The following GTPBP1 variants were observed in gnomAD, a reference collection of about 807,000 sequenced individuals.
GTPBP1 encodes GTP binding protein 1, also known as GTP-binding protein 1.
In GTPBP1, 23 loss-of-function variants were observed where a neutral mutation model predicts 62.0. The observed-to-expected ratio is 0.37, with a 90% CI of 0.27 to 0.53. GTPBP1 has a LOEUF of 0.53. Ranked by LOEUF, GTPBP1 falls within the 20% of genes least tolerant of loss-of-function variation. GTPBP1 has a pLI of 0.89. For synonymous variants in GTPBP1, 344 were observed against 364.4 expected (o/e 0.94, Z 0.64); for missense variants, 640 against 917.3 (o/e 0.70, Z 3.90).
rs1029877749 is a variant in GTPBP1 at position 38,722,837 on chromosome 22, A to G, written c.958+972A>G. 1.6e-5 allele frequency: 25 copies of G among 1,557,170 alleles called. No homozygotes were observed. In the Admixed American group the frequency reaches 3.0e-4, roughly 19 times the overall value. On this transcript the variant is annotated intron_variant, in intron 5 of 11. Transcript: ENST00000216044. Reference sequence around the variant, plus strand: ...TCCAGTTTGCTGGGCAGACTTCTCCATGGGTTTCTACATACTGGAACGCCT... The same window carrying G: ...TCCAGTTTGCTGGGCAGACTTCTCCGTGGGTTTCTACATACTGGAACGCCT...
chr22:38,730,421 G>C lies in GTPBP1; in HGVS notation c.1918-191G>C, dbSNP rs926604298. Reference sequence around the variant, plus strand: ...TGTAAGGAAGGCAGGGCAGGCACTGGCTCCATTTTAGAGACAGAGGGGAGG... The same window carrying C: ...TGTAAGGAAGGCAGGGCAGGCACTGCCTCCATTTTAGAGACAGAGGGGAGG... On this transcript the variant is annotated intron_variant, in intron 11 of 11. Coordinates refer to ENST00000216044, the MANE Select transcript of GTPBP1 (RefSeq NM_004286.5). The surrounding 1 kb of genome is among the most constrained non-coding windows in gnomAD (Gnocchi z 5.6). 6.6e-6 allele frequency among the ~76,000 whole-genome samples: 1 copy of C among 152,176 alleles called. No homozygotes were observed. The highest frequency in any genetic ancestry group is 2.4e-5 in the African/African-American group (1 of 41,444).
intron 6 of GTPBP1, chr22:38,725,299 G>C (rs1297027171): frequency 1.3e-5 from 2 of 152,364 alleles, no homozygotes; most frequent in African/African-American, 4.8e-5. Flanking sequence ...GAGCAATAGA[G>C]GCCATTTACA....
intron 1 of GTPBP1, 64 bp from the exon 2 acceptor site, chr22:38,708,781 A>AT (rs1277092307): frequency 2.2e-6 from 2 of 908,670 alleles, no homozygotes; most frequent in East Asian, 4.8e-5. Context: ...GGCTATATTG[A>AT]TCAGCTTTGG....
intron 2 of GTPBP1, among the ~76,000 whole-genome samples, chr22:38,715,119 C>T (rs1371889180): frequency 6.6e-6 from 1 of 152,156 alleles, no homozygotes; most frequent in East Asian, 1.9e-4. Context: ...AGAATTACTT[C>T]CTAACTGGAC....
chr22:38,742,742 G>T (rs1195480630), downstream of GTPBP1: 22 of 677,278 alleles, frequency 3.2e-5, no homozygotes, highest in South Asian at 4.4e-4. Flanking sequence ...GGGTGTGCTG[G>T]GAGCCAGGGA....
At chr22:38,740,357 C>T, downstream of GTPBP1, 1 of 1,582,290 alleles carries the variant, frequency 6.3e-7, no homozygotes, top group Non-Finnish European at 8.6e-7. The surrounding 1 kb of genome is among the most constrained non-coding windows in gnomAD (Gnocchi z 4.8). Flanking sequence ...CCAGCTCCTG[C>T]TGCAGGCCGG....
intron 6 of GTPBP1, among the ~76,000 whole-genome samples, chr22:38,724,797 C>T (rs2092718704): frequency 6.6e-6 from 1 of 152,214 alleles, no homozygotes; most frequent in Non-Finnish European, 1.5e-5. Flanking sequence ...ATGGTAAATA[C>T]ACAGCCATTT....
At chr22:38,719,170 T>G (rs1269547720) in intron 4 of GTPBP1, among the ~76,000 whole-genome samples, 1 of 152,080 alleles carries the variant, frequency 6.6e-6, no homozygotes, top group African/African-American at 2.4e-5. Context: ...CACACCCAGC[T>G]AATTTTTAGT....
chr22:38,726,011 G>T lies in GTPBP1; in HGVS notation c.1079G>T (p.Cys360Phe), dbSNP rs1479076511. ...TASNFSSERM[C>F]PIFQISNVTG... is the part of the protein sequence containing the mutation. ...CCTCTTCTCCCTCTGCTTAGGATGT[G>T]CCCGATATTCCAGATCTCCAACGTT... is the stretch of plus-strand genomic sequence containing the variant. The change falls in exon 7 of 12, where the codon TGC becomes TTC. Residue 360 changes from cysteine (C) to phenylalanine (F), a missense_variant. Around this residue, in one of 4 missense-constraint regions of GTPBP1, gnomAD observed 220 missense variants for 358.1 expected, o/e 0.61. Coordinates refer to ENST00000216044, the MANE Select transcript of GTPBP1 (RefSeq NM_004286.5). The surrounding 1 kb of genome is among the most constrained non-coding windows in gnomAD (Gnocchi z 4.1). 1 of 1,613,902 alleles carries T rather than the reference G, an allele frequency of 6.2e-7. No individual in the cohort carries two copies. The highest frequency in any genetic ancestry group is 1.3e-5 in the African/African-American group (1 of 74,872).
At chr22:38,721,645 C>T (rs2092701352) in intron 4 of GTPBP1, 97 bp from the exon 5 acceptor site, 8 of 1,205,648 alleles carry the variant, frequency 6.6e-6, no homozygotes, top group Non-Finnish European at 9.4e-6. Context: ...TTTTGCCCAG[C>T]CCAGCTTTCA....
downstream of GTPBP1, among the ~76,000 whole-genome samples, chr22:38,733,967 G>T (rs572158666): frequency 2.0e-5 from 3 of 152,360 alleles, no homozygotes; most frequent in Admixed American, 1.3e-4. Context: ...CCTTTGTTTA[G>T]ATGGCGTCAG....
At position 38,730,900 on chromosome 22, in the gene GTPBP1, G is replaced by T; in HGVS notation, c.*196G>T. The stretch of plus-strand genomic sequence containing the variant: ...GACGAAGGTAGCCAGACTTCCGGAG[G>T]ACTGACCATCTCTCACTGTCCTCCC... On this transcript the variant is annotated 3_prime_UTR_variant, in exon 12 of 12. Coordinates refer to ENST00000216044, the MANE Select transcript of GTPBP1 (RefSeq NM_004286.5). The surrounding 1 kb of genome is among the most constrained non-coding windows in gnomAD (Gnocchi z 5.6). 1 of 553,508 alleles carries T rather than the reference G, an allele frequency of 1.8e-6. No homozygotes were observed. Among genetic ancestry groups the T allele is most frequent in the Non-Finnish European group, 3.2e-6 (1 of 313,906 alleles). 34.3% of individuals were successfully genotyped at this position (553,508 alleles called of 1,614,324 possible).
intron 10 of GTPBP1, chr22:38,728,581 A>C (rs2092739218): frequency 5.0e-6 from 1 of 199,756 alleles, no homozygotes. Context: ...TGTATCCTGG[A>C]CACTTGCCCA....
intron 2 of GTPBP1, among the ~76,000 whole-genome samples, chr22:38,711,197 C>T (rs1486112164): frequency 6.6e-6 from 1 of 152,116 alleles, no homozygotes; most frequent in East Asian, 1.9e-4. Flanking sequence ...ATAATGATAC[C>T]TTCCTCATCC....
At chr22:38,706,274 C>A in intron 1 of GTPBP1, 127 bp downstream of exon 1, 1 of 532,290 alleles carries the variant, frequency 1.9e-6, no homozygotes, top group Non-Finnish European at 2.8e-6. Flanking sequence ...AGGGGCCGAG[C>A]CCGCCCACCT....
chr22:38,721,148 C>G (rs539624919), intron 4 of GTPBP1, among the ~76,000 whole-genome samples: 1 of 152,178 alleles, frequency 6.6e-6, no homozygotes, highest in African/African-American at 2.4e-5. Flanking sequence ...GGCACGATCT[C>G]GGCTCACCAC....
chr22:38,738,344 C>T (rs2092825250), downstream of GTPBP1: 1 of 1,312,256 alleles, frequency 7.6e-7, no homozygotes, highest in Non-Finnish European at 1.1e-6. The surrounding 1 kb of genome is among the most constrained non-coding windows in gnomAD (Gnocchi z 6.6). Context: ...CTGCTCCTCC[C>T]ACCCAGCAGG....
intron 2 of GTPBP1, among the ~76,000 whole-genome samples, chr22:38,715,135 C>G (rs1013360944): frequency 6.6e-6 from 1 of 152,186 alleles, no homozygotes; most frequent in Admixed American, 6.5e-5. Flanking sequence ...TGGACTCCCC[C>G]CTTACTGGTC....
At chr22:38,740,436 G>A (rs754222779), downstream of GTPBP1, 35 of 1,487,804 alleles carry the variant, frequency 2.4e-5, no homozygotes, top group African/African-American at 4.5e-4. This position sits in a 1 kb window ranked among gnomAD's most constrained non-coding sequence, Gnocchi z 4.8. Context: ...GGTCATGCTG[G>A]TCCCAGAGAG....
Sources: gnomAD v4.1 joint callset for allele counts (sites outside exome capture counted in the v4.1 genomes callset) on GRCh38, gnomAD v4.1.1 for gene constraint, gnomAD v4.1.1 regional missense constraint, Gnocchi (gnomAD v3.1) non-coding constraint, MANE v1.5 for transcripts, NCBI Gene and HGNC (gene_info 2026-07-23, HGNC 2026-07-21) for gene names.